ARIH2: variants seen among roughly 807,000 people sequenced by gnomAD.
The protein encoded by ARIH2 is ariadne RBR E3 ubiquitin protein ligase 2.
In ARIH2, 12 loss-of-function variants were observed where a neutral mutation model predicts 79.8. The observed-to-expected ratio is 0.15, with a 90% CI of 0.10 to 0.24. The LOEUF is 0.24. ARIH2 is among the 10% of genes least tolerant of loss of function. The pLI, the probability that ARIH2 is intolerant of heterozygous loss-of-function variation, is 1.00. For missense variants in ARIH2, 301 were observed against 618.3 expected, an observed-to-expected ratio of 0.49 and a Z score of 5.44; for synonymous variants, 224 against 213.9, an observed-to-expected ratio of 1.05 and a Z score of -0.41.
rs114631595 is a variant in ARIH2 at position 48,958,204 on chromosome 3, T to C, written c.256-3408T>C. ...GGAGTGGTGGTGTGGGCTTGTAGTC[T>C]TAGTGTCTTGGGAGGCTGAGGTGAG... On this transcript the variant is annotated intron_variant, in intron 3 of 15. Coordinates refer to ENST00000356401, the MANE Select transcript of ARIH2 (RefSeq NM_006321.4). Among the ~76,000 whole-genome samples, 98 of 152,232 alleles carry C rather than the reference T, an allele frequency of 6.4e-4. 1 individual carries two copies. The highest frequency in any genetic ancestry group is 2.3e-3 in the African/African-American group (96 of 41,526).
At chr3:48,939,757 CAAAAA>C (rs1190260583) in intron 3 of ARIH2, among the ~76,000 whole-genome samples, 2 of 43,536 alleles carry the variant, frequency 4.6e-5, no homozygotes, top group Admixed American at 2.8e-4. Context: ...GACTCCATCT[CAAAAA>C]AAAAAAAAAA....
At chr3:48,944,717 C>G (rs910733483) in intron 3 of ARIH2, among the ~76,000 whole-genome samples, 2 of 152,152 alleles carry the variant, frequency 1.3e-5, no homozygotes, top group African/African-American at 2.4e-5. Context: ...CCCACTACCA[C>G]CACCACTACT....
chr3:48,958,930 A>C (rs976137730), intron 3 of ARIH2, among the ~76,000 whole-genome samples: 2 of 151,584 alleles, frequency 1.3e-5, no homozygotes, highest in African/African-American at 2.4e-5. Flanking sequence ...TGGGAGTATC[A>C]CTTGAGCCCA....
In ARIH2 at chr3:48,970,654, G is replaced by A. The variant is rs1559838373; in HGVS notation, c.720G>A (p.Gln240=). ...ACTGCCCCATGGTTATTCGGGTACAGGAGCCTAGAGCTCGCCGAGTACAGT... is the reference window on the plus strand; with the variant it reads ...ACTGCCCCATGGTTATTCGGGTACAAGAGCCTAGAGCTCGCCGAGTACAGT... The part of the protein sequence containing the change: ...GADCPMVIRV[Q]EPRARRVQCN... Residue 240 remains glutamine, a synonymous_variant, in exon 8 of 16, where the codon CAG becomes CAA. Transcript: ENST00000356401. 2 of 1,614,126 alleles carry A rather than the reference G, an allele frequency of 1.2e-6. No individual in the cohort carries two copies. Among genetic ancestry groups the A allele is most frequent in the East Asian group, 4.5e-5 (2 of 44,888 alleles).
At chr3:48,982,412 T>C (rs1282344539) in intron 14 of ARIH2, among the ~76,000 whole-genome samples, 3 of 152,198 alleles carry the variant, frequency 2.0e-5, no homozygotes, top group Non-Finnish European at 4.4e-5. Context: ...TCTTTCTTTC[T>C]TTCACTGCTA....
intron 11 of ARIH2, among the ~76,000 whole-genome samples, chr3:48,978,421 A>ATG (rs1188251261): frequency 0.09 from 4,964 of 55,158 alleles, 176 homozygotes; most frequent in Non-Finnish European, 0.13. Context: ...TAATTTGTGT[A>ATG]TGTGTGTGTG....
intron 3 of ARIH2, among the ~76,000 whole-genome samples, chr3:48,960,628 G>C (rs1348152249): frequency 6.6e-6 from 1 of 152,004 alleles, no homozygotes; most frequent in Non-Finnish European, 1.5e-5. Context: ...GCTGGGCATG[G>C]TGGCGCATGC....
chr3:48,918,967 C>A lies in ARIH2; in HGVS notation c.-193C>A. 1 of 1,484,006 alleles carries A rather than the reference C, an allele frequency of 6.7e-7. No individual in the cohort carries two copies. The highest frequency in any genetic ancestry group is 1.4e-5 in the African/African-American group (1 of 70,820). The allele number at this position is 1,484,006 out of a possible 1,614,324, so 91.9% of individuals were successfully genotyped here. A position where few individuals can be genotyped will look rare whatever the true frequency, so the allele number is the denominator to read the frequency against. On this transcript the variant is annotated 5_prime_UTR_variant, in exon 1 of 16. Coordinates refer to ENST00000356401, the MANE Select transcript of ARIH2 (RefSeq NM_006321.4). ...CCGGCCTGACCCGGTCTGGCTTGTTCGGGCTCAGCGGCCGCGAGGCCGCAG... is the reference window on the plus strand; with the variant it reads ...CCGGCCTGACCCGGTCTGGCTTGTTAGGGCTCAGCGGCCGCGAGGCCGCAG...
Position 48,978,735 on chromosome 3 carries a change from G to A in ARIH2, c.962-747G>A, listed in dbSNP as rs118107310. On this transcript the variant is annotated intron_variant, in intron 11 of 15. Transcript: ENST00000356401. ...AGCACTTTGAGAGGCAGAGATGGGC[G>A]AATCACTGAACACTGGGGGTTCTCG... Among the ~76,000 whole-genome samples, 20 of 151,776 alleles carry A rather than the reference G, an allele frequency of 1.3e-4. No homozygotes were observed. The East Asian group carries it at 2.3e-3, about 18-fold the overall frequency.
chr3:48,970,217 A>G (rs1332752556), intron 7 of ARIH2, among the ~76,000 whole-genome samples: 1 of 151,902 alleles, frequency 6.6e-6, no homozygotes, highest in Non-Finnish European at 1.5e-5. Flanking sequence ...TTTTTCAGAG[A>G]CAGAGTTTCA....
At chr3:48,980,581 A>T in intron 13 of ARIH2, 85 bp downstream of exon 13, 1 of 1,497,274 alleles carries the variant, frequency 6.7e-7, no homozygotes, top group Non-Finnish European at 9.0e-7. Flanking sequence ...AGCTCTGTTG[A>T]AAGAGGGTAT....
intron 3 of ARIH2, among the ~76,000 whole-genome samples, chr3:48,931,617 A>G (rs2086373129): frequency 6.6e-6 from 1 of 151,854 alleles, no homozygotes; most frequent in African/African-American, 2.4e-5. Context: ...TTTTTAAGAT[A>G]CAGAATCTCA....
chr3:48,948,997 C>T (rs775376668), intron 3 of ARIH2: 1 of 447,876 alleles, frequency 2.2e-6, no homozygotes, highest in Admixed American at 2.4e-5. Context: ...GGCTACTACG[C>T]AGTATGCTGC....
chr3:48,929,124 A>T (rs1027750033), intron 3 of ARIH2, among the ~76,000 whole-genome samples: 1 of 152,194 alleles, frequency 6.6e-6, no homozygotes, highest in Admixed American at 6.5e-5. Context: ...TAAGAAAAGG[A>T]TATGTTCATA....
At chr3:48,970,505 G>A (rs2092159372) in intron 7 of ARIH2, 90 bp from the exon 8 acceptor site, 5 of 848,018 alleles carry the variant, frequency 5.9e-6, no homozygotes, top group South Asian at 1.4e-5. Flanking sequence ...TCAGCTGGGA[G>A]AACAGAAAGT....
At chr3:48,954,090 G>A (rs2090305983) in intron 3 of ARIH2, among the ~76,000 whole-genome samples, 1 of 152,034 alleles carries the variant, frequency 6.6e-6, no homozygotes, top group South Asian at 2.1e-4. Context: ...GAACCTGGGA[G>A]GCGGAGGTTG....
chr3:48,979,535 G>A lies in ARIH2; in HGVS notation c.1015G>A (p.Glu339Lys). 6.2e-7 allele frequency: 1 copy of A among 1,614,234 alleles called. No individual in the cohort carries two copies. Residue 339 changes from glutamate to lysine, a missense_variant, in exon 12 of 16, where the codon GAG becomes AAG. Coordinates refer to ENST00000356401, the MANE Select transcript of ARIH2 (RefSeq NM_006321.4). The part of the protein sequence containing the change: ...DWKTHGSEYY[E>K]CSRYKENPDI... ...GAAGACTCATGGCAGTGAATACTAT[G>A]AGTGCAGTCGTTACAAGGAGAATCC...
chr3:48,933,299 C>T (rs1038437823), intron 3 of ARIH2, among the ~76,000 whole-genome samples: 16 of 141,510 alleles, frequency 1.1e-4, no homozygotes, highest in South Asian at 2.3e-4. Flanking sequence ...ATCACAGGTG[C>T]GCACCACATG....
intron 4 of ARIH2, among the ~76,000 whole-genome samples, chr3:48,962,891 C>T (rs2091416163): frequency 6.6e-6 from 1 of 151,728 alleles, no homozygotes; most frequent in South Asian, 2.1e-4. Context: ...TTTTTTGAGA[C>T]AAAGTCTCAC....
Sources: gnomAD v4.1 joint callset for allele counts (sites outside exome capture counted in the v4.1 genomes callset) on GRCh38, gnomAD v4.1.1 for gene constraint, MANE v1.5 for transcripts, NCBI Gene and HGNC (gene_info 2026-07-23, HGNC 2026-07-21) for gene names.